Variants in SLC2A13 observed in about 807,000 individuals in gnomAD.
SLC2A13 encodes the protein proton myo-inositol cotransporter.
In SLC2A13, 32 loss-of-function variants were observed where a neutral mutation model predicts 64.4. That is an observed-to-expected ratio of 0.50 (90% confidence interval 0.37 to 0.67). SLC2A13 has a LOEUF of 0.67. Ranked by LOEUF, SLC2A13 falls within the 30% of genes least tolerant of loss-of-function variation. SLC2A13 has a pLI of 0.00. For missense variants in SLC2A13, 743 were observed against 829.2 expected, an observed-to-expected ratio of 0.90 and a Z score of 1.28; for synonymous variants, 338 against 327.1, an observed-to-expected ratio of 1.03 and a Z score of -0.36.
At chr12:39,904,330 C>T (rs1945211445) in intron 4 of SLC2A13, among the ~76,000 whole-genome samples, 1 of 152,092 alleles carries the variant, frequency 6.6e-6, no homozygotes, top group South Asian at 2.1e-4. Flanking sequence ...GTAGTTTAGA[C>T]ACAGTGAACC....
At chr12:39,849,283 A>G (rs1370090429) in intron 6 of SLC2A13, among the ~76,000 whole-genome samples, 1 of 152,192 alleles carries the variant, frequency 6.6e-6, no homozygotes, top group Admixed American at 6.5e-5. Context: ...CAGTGACTCA[A>G]TGTGCATTGG....
chr12:39,895,549 T>C (rs373137612), intron 4 of SLC2A13, among the ~76,000 whole-genome samples: 14,946 of 72,230 alleles, frequency 0.21, 2,779 homozygotes, highest in Admixed American at 0.26. Context: ...TATATATATA[T>C]ATACACACAC....
intron 7 of SLC2A13, among the ~76,000 whole-genome samples, chr12:39,768,666 T>A (rs935064721): frequency 6.6e-6 from 1 of 152,022 alleles, no homozygotes; most frequent in African/African-American, 2.4e-5. Flanking sequence ...ATAATTAAGT[T>A]TGACGTCTTA....
At chr12:39,832,762 C>A (rs1942891213) in intron 6 of SLC2A13, among the ~76,000 whole-genome samples, 1 of 152,132 alleles carries the variant, frequency 6.6e-6, no homozygotes. Flanking sequence ...CACTTCCCAT[C>A]ATTTCAATAT....
intron 7 of SLC2A13, among the ~76,000 whole-genome samples, chr12:39,821,661 T>G (rs924476665): frequency 1.3e-5 from 2 of 152,158 alleles, no homozygotes; most frequent in African/African-American, 2.4e-5. Flanking sequence ...TGGTGAACTA[T>G]ACCGAAGAGG....
intron 4 of SLC2A13, among the ~76,000 whole-genome samples, chr12:39,900,228 A>C (rs1473304542): frequency 6.6e-6 from 1 of 152,156 alleles, no homozygotes; most frequent in African/African-American, 2.4e-5. Flanking sequence ...CCCCACAGCC[A>C]ATATCATACT....
intron 1 of SLC2A13, among the ~76,000 whole-genome samples, chr12:40,056,476 C>T (rs1331750037): frequency 6.6e-6 from 1 of 152,172 alleles, no homozygotes; most frequent in Admixed American, 6.5e-5. Flanking sequence ...GTATGCATTT[C>T]CACCTGAAAA....
At chr12:39,902,537 T>C (rs1945156098) in intron 4 of SLC2A13, among the ~76,000 whole-genome samples, 1 of 152,032 alleles carries the variant, frequency 6.6e-6, no homozygotes, top group Admixed American at 6.6e-5. Flanking sequence ...CTCATGTTTT[T>C]AAGCACTACC....
At chr12:39,885,893 G>C (rs763908902) in intron 4 of SLC2A13, among the ~76,000 whole-genome samples, 5 of 152,014 alleles carry the variant, frequency 3.3e-5, no homozygotes, top group Admixed American at 6.6e-5. Flanking sequence ...TAACGTATTT[G>C]GTTCAACAAC....
At chr12:40,028,057 C>T (rs28370788) in intron 3 of SLC2A13, among the ~76,000 whole-genome samples, 2,640 of 151,884 alleles carry the variant, frequency 0.017, 94 homozygotes, top group African/African-American at 0.06. Context: ...CACATGTAAA[C>T]GAAGCATTTT....
At chr12:39,919,298 T>G (rs1049328680) in intron 4 of SLC2A13, among the ~76,000 whole-genome samples, 3 of 152,090 alleles carry the variant, frequency 2.0e-5, no homozygotes, top group Non-Finnish European at 2.9e-5. Context: ...GGCCAATGCT[T>G]AAGTAAAATA....
intron 2 of SLC2A13, among the ~76,000 whole-genome samples, chr12:40,045,687 G>A (rs750924001): frequency 4.6e-5 from 7 of 151,952 alleles, no homozygotes; most frequent in Non-Finnish European, 7.4e-5. Flanking sequence ...ATATATCAAC[G>A]GGAGTTAGTT....
intron 3 of SLC2A13, among the ~76,000 whole-genome samples, chr12:40,014,863 C>G (rs967467493): frequency 6.6e-6 from 1 of 152,138 alleles, no homozygotes; most frequent in African/African-American, 2.4e-5. Context: ...TTAGATCCAG[C>G]CAATTTTTAT....
At chr12:40,090,932 T>A (rs1457912563) in intron 1 of SLC2A13, among the ~76,000 whole-genome samples, 2 of 152,186 alleles carry the variant, frequency 1.3e-5, no homozygotes, top group African/African-American at 4.8e-5. Context: ...GCAGATACAA[T>A]CATGCATTGC....
intron 4 of SLC2A13, chr12:39,907,878 G>T (rs1290521589): frequency 6.6e-6 from 1 of 152,106 alleles, no homozygotes; most frequent in Non-Finnish European, 1.5e-5. Flanking sequence ...AGAGAATGGA[G>T]CCTTAGAATC....
intron 5 of SLC2A13, among the ~76,000 whole-genome samples, chr12:39,868,827 C>T (rs1943971384): frequency 6.6e-6 from 1 of 152,164 alleles, no homozygotes; most frequent in African/African-American, 2.4e-5. Flanking sequence ...AAATGTCCTA[C>T]ATTTAAGATT....
At chr12:40,034,466 G>GAA (rs1385148231) in intron 2 of SLC2A13, among the ~76,000 whole-genome samples, 1 of 152,080 alleles carries the variant, frequency 6.6e-6, no homozygotes, top group African/African-American at 2.4e-5. Flanking sequence ...GAGTACAGTG[G>GAA]GGCTTTCTAG....
chr12:39,992,448 T>C (rs1400364064), intron 3 of SLC2A13, among the ~76,000 whole-genome samples: 1 of 152,208 alleles, frequency 6.6e-6, no homozygotes, highest in Non-Finnish European at 1.5e-5. Context: ...GGCTGAATTC[T>C]ACCACTCTAC....
At chr12:39,841,564 A>T (rs1281516896) in intron 6 of SLC2A13, among the ~76,000 whole-genome samples, 1 of 152,256 alleles carries the variant, frequency 6.6e-6, no homozygotes, top group Non-Finnish European at 1.5e-5. Flanking sequence ...ATCTATATAC[A>T]TATACATATG....
Sources: gnomAD v4.1 joint callset for allele counts (sites outside exome capture counted in the v4.1 genomes callset) on GRCh38, gnomAD v4.1.1 for gene constraint, MANE v1.5 for transcripts, NCBI Gene and HGNC (gene_info 2026-07-23, HGNC 2026-07-21) for gene names.